The following NCAM2 variants were observed in gnomAD, a reference collection of about 807,000 sequenced individuals.
NCAM2 encodes the protein N-CAM-2.
A neutral mutation model predicts 98.1 loss-of-function variants in NCAM2; 30 were observed. The ratio of observed to expected loss-of-function variants is 0.31; its 90% CI spans 0.23 to 0.41. NCAM2 has a LOEUF of 0.41. NCAM2 is among the 10% of genes least tolerant of loss of function. The pLI is 1.00. For synonymous variants in NCAM2, 368 were observed against 342.4 expected, an observed-to-expected ratio of 1.07 and a Z score of -0.83; for missense variants, 867 against 1,005.8, an observed-to-expected ratio of 0.86 and a Z score of 1.87.
At chr21:21,392,814 A>C (rs975855299) in intron 9 of NCAM2, among the ~76,000 whole-genome samples, 1 of 152,040 alleles carries the variant, frequency 6.6e-6, no homozygotes, top group African/African-American at 2.4e-5. Flanking sequence ...TTTCTTGTAA[A>C]TTTGTTTAAG....
intron 8 of NCAM2, among the ~76,000 whole-genome samples, chr21:21,351,031 G>C (rs191454514): frequency 1.4e-5 from 2 of 143,914 alleles, no homozygotes; most frequent in Non-Finnish European, 3.0e-5. Context: ...GCAGAATGGC[G>C]TGAACGCGGG....
chr21:21,327,441 C>T (rs954335363), intron 6 of NCAM2, among the ~76,000 whole-genome samples: 5 of 152,048 alleles, frequency 3.3e-5, no homozygotes, highest in Admixed American at 6.6e-5. Context: ...TTATCTTCCT[C>T]CTCTTTCAGA....
intron 1 of NCAM2, among the ~76,000 whole-genome samples, chr21:21,183,373 C>T (rs1483817945): frequency 2.0e-5 from 3 of 152,070 alleles, no homozygotes; most frequent in South Asian, 2.1e-4. Flanking sequence ...ACAGAGCCAC[C>T]GTGGATAGTG....
chr21:21,451,188 C>G (rs1482976719), intron 12 of NCAM2, among the ~76,000 whole-genome samples: 1 of 152,012 alleles, frequency 6.6e-6, no homozygotes, highest in African/African-American at 2.4e-5. Flanking sequence ...TTTGAGTCTT[C>G]CATATCATTT....
chr21:21,053,064 A>C (rs1313578199), intron 1 of NCAM2, among the ~76,000 whole-genome samples: 1 of 152,120 alleles, frequency 6.6e-6, no homozygotes, highest in East Asian at 1.9e-4. Context: ...ATAGTTGAAA[A>C]AAAAAGCAAA....
chr21:21,327,784 G>A (rs1168020247), intron 6 of NCAM2, among the ~76,000 whole-genome samples: 1 of 152,140 alleles, frequency 6.6e-6, no homozygotes, highest in Admixed American at 6.5e-5. Flanking sequence ...ACACCAACAT[G>A]TGAATTTGAG....
chr21:21,254,979 G>GTA (rs1568839683), intron 1 of NCAM2, among the ~76,000 whole-genome samples: 1 of 129,404 alleles, frequency 7.7e-6, no homozygotes, highest in African/African-American at 2.8e-5. Flanking sequence ...GTGTGTGTGT[G>GTA]TATAATGTTT....
intron 5 of NCAM2, among the ~76,000 whole-genome samples, chr21:21,311,470 C>T (rs1601940226): frequency 6.6e-6 from 1 of 151,256 alleles, no homozygotes; most frequent in African/African-American, 2.4e-5. Context: ...CCTCCTGAGT[C>T]GCTGGGACTA....
At chr21:21,243,374 G>T (rs1377381377) in intron 1 of NCAM2, among the ~76,000 whole-genome samples, 3 of 152,176 alleles carry the variant, frequency 2.0e-5, no homozygotes, top group African/African-American at 7.2e-5. Flanking sequence ...AAATATTATA[G>T]CTCATAAAGT....
intron 1 of NCAM2, among the ~76,000 whole-genome samples, chr21:21,075,838 C>T (rs575260794): frequency 3.9e-5 from 6 of 151,984 alleles, no homozygotes; most frequent in Non-Finnish European, 8.8e-5. Flanking sequence ...TATGATTGGC[C>T]GGGTGTGGTG....
intron 4 of NCAM2, among the ~76,000 whole-genome samples, chr21:21,288,242 G>T (rs898800389): frequency 1.3e-5 from 2 of 151,898 alleles, no homozygotes; most frequent in African/African-American, 4.8e-5. Context: ...ATCAGCAGTT[G>T]TTTGAATCCA....
At chr21:21,340,842 T>C (rs933995678) in intron 8 of NCAM2, among the ~76,000 whole-genome samples, 2 of 151,886 alleles carry the variant, frequency 1.3e-5, no homozygotes, top group Non-Finnish European at 2.9e-5. Context: ...GTTCAAAGAG[T>C]CCAAATAACA....
intron 1 of NCAM2, among the ~76,000 whole-genome samples, chr21:21,231,623 A>G (rs1012746411): frequency 2.0e-5 from 3 of 151,376 alleles, no homozygotes; most frequent in South Asian, 4.1e-4. Flanking sequence ...TTTATTTAAT[A>G]TATCTTGGTT....
chr21:21,091,726 GTA>G (rs1271983056), intron 1 of NCAM2, among the ~76,000 whole-genome samples: 3 of 152,028 alleles, frequency 2.0e-5, no homozygotes, highest in Non-Finnish European at 4.4e-5. Context: ...ATACTTTCAA[GTA>G]TACTAATTAG....
chr21:21,157,939 G>T (rs1035143740), intron 1 of NCAM2, among the ~76,000 whole-genome samples: 5 of 152,102 alleles, frequency 3.3e-5, no homozygotes, highest in Non-Finnish European at 5.9e-5. Context: ...AAAGATGTTT[G>T]TATTTAATAT....
At chr21:21,521,381 G>C (rs79266904) in intron 16 of NCAM2, among the ~76,000 whole-genome samples, 3,782 of 152,118 alleles carry the variant, frequency 0.025, 138 homozygotes, top group African/African-American at 0.085. Context: ...CCAGCTGTCA[G>C]GAAAAAAATT....
At chr21:21,493,110 A>G (rs1986962471) in intron 15 of NCAM2, among the ~76,000 whole-genome samples, 1 of 151,948 alleles carries the variant, frequency 6.6e-6, no homozygotes, top group Non-Finnish European at 1.5e-5. Flanking sequence ...CAAATGGCTC[A>G]GTCGTGAAAG....
At chr21:21,104,978 G>A (rs1412497314) in intron 1 of NCAM2, among the ~76,000 whole-genome samples, 1 of 152,088 alleles carries the variant, frequency 6.6e-6, no homozygotes, top group African/African-American at 2.4e-5. Context: ...CCCTGTGTGT[G>A]AGCTTAGAAC....
chr21:21,504,834 G>C (rs1987874892), intron 15 of NCAM2, among the ~76,000 whole-genome samples: 1 of 150,974 alleles, frequency 6.6e-6, no homozygotes, highest in Non-Finnish European at 1.5e-5. Context: ...GTATATTTGT[G>C]GGGTACATGA....
Sources: gnomAD v4.1 joint callset for allele counts (sites outside exome capture counted in the v4.1 genomes callset) on GRCh38, gnomAD v4.1.1 for gene constraint, MANE v1.5 for transcripts, NCBI Gene and HGNC (gene_info 2026-07-23, HGNC 2026-07-21) for gene names.